Variants in TAF1 observed in about 807,000 individuals in gnomAD.
TAF1 encodes the protein TATA-box binding protein associated factor 1.
Under a neutral mutation model 138.5 loss-of-function variants are expected in TAF1, and 2 were observed. That is an observed-to-expected ratio of 0.01 (90% confidence interval 0.01 to 0.05). The LOEUF (loss-of-function observed/expected upper bound fraction) is 0.05. Ranked by LOEUF, TAF1 falls within the 10% of genes least tolerant of loss-of-function variation. The pLI is 1.00. For missense variants in TAF1, 709 were observed against 1,478.0 expected (o/e 0.48, Z 8.53); for synonymous variants, 437 against 503.2 (o/e 0.87, Z 1.76).
At chrX:71,405,508 G>A (rs1226088556) in intron 25 of TAF1, among the ~76,000 whole-genome samples, 2 of 110,878 alleles carry the variant, frequency 1.8e-5, no homozygotes, top group African/African-American at 6.6e-5. Context: ...GTGCTGCCAC[G>A]CCAGGCTAAT....
At chrX:71,477,954 A>G (rs2039007844) in intron 13 of TAF1, among the ~76,000 whole-genome samples, 1 of 111,649 alleles carries the variant, frequency 9.0e-6, no homozygotes, top group African/African-American at 3.3e-5. Context: ...AGATCACACC[A>G]TTGCCCTCCA....
At position 71,407,588 on chromosome X, in the gene TAF1, C is replaced by T; in HGVS notation, c.4122C>T (p.Ser1374=). 1 of 1,210,819 alleles carries T rather than the reference C, an allele frequency of 8.3e-7. No homozygotes were observed. The highest frequency in any genetic ancestry group is 1.1e-6 in the Non-Finnish European group (1 of 894,969). The change falls in exon 27 of 38, where the codon TCC becomes TCT. Residue 1374 remains serine, a synonymous_variant. Coordinates refer to ENST00000423759, the MANE Select transcript of TAF1 (RefSeq NM_004606.5). ...HCDYLNRPHK[S]IHRRRTDPMV... ...TTTCTCCTTAGAGACCTCATAAGTCCATCCACCGGCGCCGCACAGACCCTA... is the reference window on the plus strand; with the variant it reads ...TTTCTCCTTAGAGACCTCATAAGTCTATCCACCGGCGCCGCACAGACCCTA...
intron 37 of TAF1, 21 bp from the exon 38 acceptor site, chrX:71,463,803 A>G (rs756101613): frequency 2.7e-5 from 32 of 1,200,195 alleles, no homozygotes; most frequent in Non-Finnish European, 6.8e-6. Context: ...AGCTTGAGAG[A>G]TGACATGTTT....
intron 33 of TAF1, 112 bp from the exon 34 acceptor site, chrX:71,454,629 C>T (rs780072335): frequency 3.3e-6 from 2 of 615,077 alleles, no homozygotes; most frequent in East Asian, 3.6e-5. Flanking sequence ...TATCTGTGTC[C>T]TGCCACTAGA....
intron 20 of TAF1, 28 bp downstream of exon 20, chrX:71,393,022 T>A: frequency 1.7e-6 from 2 of 1,207,654 alleles, no homozygotes; most frequent in Admixed American, 4.4e-5. Flanking sequence ...AAATTTAGAG[T>A]ATACTAGGGG....
At chrX:71,525,410 T>C (rs1484204825) in intron 13 of TAF1, among the ~76,000 whole-genome samples, 2 of 112,044 alleles carry the variant, frequency 1.8e-5, no homozygotes, top group Non-Finnish European at 3.8e-5. Flanking sequence ...ACACCTTGAA[T>C]TACATGTTTT....
At chrX:71,403,532 G>C (rs1329420826) in intron 25 of TAF1, among the ~76,000 whole-genome samples, 1 of 111,589 alleles carries the variant, frequency 9.0e-6, no homozygotes, top group Non-Finnish European at 1.9e-5. Context: ...CCACTGTTTT[G>C]ATCATCTTGT....
At chrX:71,440,233 A>G (rs199776458) in intron 32 of TAF1, among the ~76,000 whole-genome samples, 1 of 111,977 alleles carries the variant, frequency 8.9e-6, no homozygotes, top group African/African-American at 3.2e-5. Context: ...TTCGCAAAGC[A>G]TAATTCCCTT....
chrX:71,420,134 C>T, intron 28 of TAF1: 1 of 497,398 alleles, frequency 2.0e-6, no homozygotes, highest in Non-Finnish European at 3.7e-6. Context: ...AGACGTGACC[C>T]CGGGGCCTGC....
At position 71,368,084 on chromosome X, in the gene TAF1, A is replaced by G; in HGVS notation, c.266A>G (p.Asp89Gly). ...GTTAGGAGTACAGAAGATGCTGTGG[A>G]CTATTCAGACATCAATGAGGTGGCA... ...GWVRSTEDAV[D>G]YSDINEVAED... The change falls in exon 3 of 38, where the codon GAC becomes GGC. Residue 89 changes from aspartate (D) to glycine (G), a missense_variant. Asp to Gly is a moderately conservative substitution (Grantham distance 94). This residue lies in a region of TAF1 where 123 missense variants were observed against 161.6 expected (regional missense o/e 0.76). Transcript: ENST00000423759. 8.3e-7 allele frequency: 1 copy of G among 1,211,929 alleles called. No individual in the cohort carries two copies. Among genetic ancestry groups the G allele is most frequent in the Non-Finnish European group, 1.1e-6 (1 of 895,559 alleles).
At chrX:71,394,289 A>T in intron 22 of TAF1, 44 bp downstream of exon 22, 1 of 1,148,828 alleles carries the variant, frequency 8.7e-7, no homozygotes, top group South Asian at 2.1e-5. Flanking sequence ...GAGAAGGGTT[A>T]AAAAAGGAGC....
intron 28 of TAF1, 82 bp downstream of exon 28, chrX:71,408,233 G>C (rs1415991793): frequency 9.6e-7 from 1 of 1,042,116 alleles, no homozygotes; most frequent in Non-Finnish European, 1.3e-6. Flanking sequence ...GACTAGATTG[G>C]ACTGAGAGGA....
At chrX:71,406,821 A>G in intron 26 of TAF1, 75 bp downstream of exon 26, 2 of 832,505 alleles carry the variant, frequency 2.4e-6, no homozygotes, top group Admixed American at 5.0e-5. Context: ...CACAGCTCTG[A>G]CAGCCTTAGA....
intron 13 of TAF1, chrX:71,492,850 G>C (rs1282425313): frequency 8.9e-6 from 1 of 112,446 alleles, no homozygotes; most frequent in Non-Finnish European, 1.9e-5. Flanking sequence ...GGCATGTGAC[G>C]GTCTGCGAGC....
intron 13 of TAF1, among the ~76,000 whole-genome samples, chrX:71,478,985 C>T (rs752066108): frequency 8.9e-6 from 1 of 112,446 alleles, no homozygotes; most frequent in East Asian, 2.8e-4. Context: ...AAAATTCTTG[C>T]ACCACCGTAC....
chrX:71,483,141 T>C (rs1174591060), intron 13 of TAF1, among the ~76,000 whole-genome samples: 10 of 102,740 alleles, frequency 9.7e-5, no homozygotes, highest in Admixed American at 5.3e-4. Flanking sequence ...GGCTTTTTTT[T>C]TTTTCTTTTC....
chrX:71,478,726 A>C (rs2147505259), intron 13 of TAF1, among the ~76,000 whole-genome samples: 1 of 112,243 alleles, frequency 8.9e-6, no homozygotes, highest in South Asian at 3.7e-4. Context: ...AAAAATATGT[A>C]AGACAATATA....
At chrX:71,481,041 G>A (rs968964660) in intron 13 of TAF1, among the ~76,000 whole-genome samples, 3 of 112,469 alleles carry the variant, frequency 2.7e-5, no homozygotes, top group Non-Finnish European at 5.6e-5. Flanking sequence ...CATTTTGGGA[G>A]GCCGAGGCGG....
chrX:71,512,719 G>A (rs2039755423), intron 13 of TAF1, among the ~76,000 whole-genome samples: 3 of 111,338 alleles, frequency 2.7e-5, no homozygotes, highest in African/African-American at 3.3e-5. Context: ...TTAGGAGGCT[G>A]AGGCAGGAGA....
Sources: allele counts gnomAD v4.1 joint callset (sites outside exome capture counted in the v4.1 genomes callset), GRCh38; gene constraint gnomAD v4.1.1; regional missense constraint gnomAD v4.1.1; transcripts MANE v1.5; gene names NCBI Gene and HGNC (gene_info 2026-07-23, HGNC 2026-07-21).